Variants in AKT3 observed in about 807,000 individuals in gnomAD.
AKT3 encodes AKT serine/threonine kinase 3, also known as RAC-gamma serine/threonine-protein kinase.
Under a neutral mutation model 65.3 loss-of-function variants are expected in AKT3, and 15 were observed. The observed-to-expected ratio is 0.23, with a 90% CI of 0.15 to 0.35. The LOEUF is 0.35. Ranked by LOEUF, AKT3 falls within the 10% of genes least tolerant of loss-of-function variation. The pLI is 1.00. For missense variants in AKT3, 243 were observed against 576.5 expected, an observed-to-expected ratio of 0.42 and a Z score of 5.92; for synonymous variants, 206 against 183.8, an observed-to-expected ratio of 1.12 and a Z score of -0.98.
At chr1:243,602,570 T>C (rs1677093773) in intron 8 of AKT3, among the ~76,000 whole-genome samples, 1 of 152,222 alleles carries the variant, frequency 6.6e-6, no homozygotes, top group African/African-American at 2.4e-5. Context: ...TGCTTTTGTC[T>C]TATGTGAATT....
chr1:243,754,352 CATTTG>C (rs1572282588), intron 2 of AKT3, among the ~76,000 whole-genome samples: 1 of 152,222 alleles, frequency 6.6e-6, no homozygotes, highest in Non-Finnish European at 1.5e-5. Context: ...CCTGTATCTG[CATTTG>C]ATTTTACTGT....
At chr1:243,662,318 A>C (rs1163449997) in intron 4 of AKT3, among the ~76,000 whole-genome samples, 2 of 152,172 alleles carry the variant, frequency 1.3e-5, no homozygotes, top group Admixed American at 1.3e-4. Context: ...AATGTCCAAC[A>C]ATGATAGACT....
intron 2 of AKT3, among the ~76,000 whole-genome samples, chr1:243,729,886 C>G (rs1188805576): frequency 6.6e-6 from 1 of 152,106 alleles, no homozygotes; most frequent in East Asian, 1.9e-4. Flanking sequence ...TTACTTTCAT[C>G]TTGCCTGTAT....
chr1:243,583,195 T>TATATATATATATACATAC (rs759291565), intron 8 of AKT3, among the ~76,000 whole-genome samples: 3 of 88,326 alleles, frequency 3.4e-5, no homozygotes, highest in African/African-American at 1.5e-4. Flanking sequence ...TATATATATA[T>TATATATATATATACATAC]ACACACACAC....
chr1:243,565,587 C>G (rs1380339625), intron 9 of AKT3, among the ~76,000 whole-genome samples: 1 of 152,140 alleles, frequency 6.6e-6, no homozygotes, highest in South Asian at 2.1e-4. Flanking sequence ...TCTCTACCAG[C>G]CAGAACCTAG....
At chr1:243,829,863 C>T (rs1313341676) in intron 2 of AKT3, among the ~76,000 whole-genome samples, 1 of 152,146 alleles carries the variant, frequency 6.6e-6, no homozygotes, top group African/African-American at 2.4e-5. Context: ...AAAGTGGCTA[C>T]AGCCTTTAAT....
chr1:243,555,458 C>A (rs1673346307), intron 10 of AKT3, among the ~76,000 whole-genome samples: 1 of 152,112 alleles, frequency 6.6e-6, no homozygotes, highest in Non-Finnish European at 1.5e-5. Flanking sequence ...AATCCCACAG[C>A]CAAATTAACC....
At chr1:243,714,696 G>C in intron 2 of AKT3, among the ~76,000 whole-genome samples, 1 of 152,044 alleles carries the variant, frequency 6.6e-6, no homozygotes, top group Non-Finnish European at 1.5e-5. Flanking sequence ...GGAGAATATA[G>C]AAAAGCTTTC....
chr1:243,824,491 T>G (rs1326229385), intron 2 of AKT3, among the ~76,000 whole-genome samples: 3 of 151,904 alleles, frequency 2.0e-5, no homozygotes, highest in Non-Finnish European at 4.4e-5. Context: ...GGGAGAAAAT[T>G]TTTGCAATCT....
At chr1:243,756,754 CTCAAATTACCTCCTTA>C (rs1269105920) in intron 2 of AKT3, among the ~76,000 whole-genome samples, 1 of 152,146 alleles carries the variant, frequency 6.6e-6, no homozygotes, top group East Asian at 1.9e-4. Context: ...TTTACATGGT[CTCAAATTACCTCCTTA>C]GAAAATAATA....
intron 3 of AKT3, among the ~76,000 whole-genome samples, chr1:243,668,723 T>G (rs1682970300): frequency 6.6e-6 from 1 of 152,106 alleles, no homozygotes; most frequent in African/African-American, 2.4e-5. Flanking sequence ...AGTAATGAAT[T>G]TAAGCAAGGC....
At chr1:243,542,474 T>C (rs1009383092) in intron 12 of AKT3, among the ~76,000 whole-genome samples, 6 of 152,200 alleles carry the variant, frequency 3.9e-5, no homozygotes, top group Non-Finnish European at 8.8e-5. Flanking sequence ...CCAGAATCTC[T>C]AGATGTGCCA....
At chr1:243,510,026 G>A (rs774529342) in intron 13 of AKT3, among the ~76,000 whole-genome samples, 10 of 152,182 alleles carry the variant, frequency 6.6e-5, no homozygotes, top group Non-Finnish European at 1.3e-4. Flanking sequence ...CTCCTGGCTT[G>A]ACATTTTAGA....
intron 4 of AKT3, among the ~76,000 whole-genome samples, chr1:243,651,321 C>A (rs866603760): frequency 6.6e-6 from 1 of 152,114 alleles, no homozygotes; most frequent in Non-Finnish European, 1.5e-5. Flanking sequence ...TCTAAACATA[C>A]GATCATGTCA....
intron 2 of AKT3, among the ~76,000 whole-genome samples, chr1:243,720,055 G>A (rs745350236): frequency 2.0e-5 from 3 of 152,156 alleles, no homozygotes; most frequent in Non-Finnish European, 2.9e-5. Flanking sequence ...CCTCACACCT[G>A]TAATCCCAGC....
chr1:243,527,552 T>C (rs1671193229), intron 12 of AKT3, among the ~76,000 whole-genome samples: 1 of 152,182 alleles, frequency 6.6e-6, no homozygotes, highest in South Asian at 2.1e-4. Flanking sequence ...AATTGGGCTT[T>C]GGGATTTTCA....
intron 2 of AKT3, among the ~76,000 whole-genome samples, chr1:243,725,516 T>A (rs1187515703): frequency 6.6e-6 from 1 of 152,164 alleles, no homozygotes; most frequent in Non-Finnish European, 1.5e-5. Flanking sequence ...TTTTTGTGTC[T>A]CTACTTCAGA....
At chr1:243,623,708 C>T (rs1015715530) in intron 6 of AKT3, among the ~76,000 whole-genome samples, 5 of 152,190 alleles carry the variant, frequency 3.3e-5, no homozygotes, top group Non-Finnish European at 7.3e-5. Flanking sequence ...ATTACACCAT[C>T]AGCTTCCCAG....
At chr1:243,805,030 T>C (rs1157892231) in intron 2 of AKT3, among the ~76,000 whole-genome samples, 1 of 152,174 alleles carries the variant, frequency 6.6e-6, no homozygotes, top group Non-Finnish European at 1.5e-5. Flanking sequence ...ACTTCTGCCA[T>C]ACCACTCACC....
Sources: gnomAD v4.1 joint callset for allele counts (sites outside exome capture counted in the v4.1 genomes callset) on GRCh38, gnomAD v4.1.1 for gene constraint, MANE v1.5 for transcripts, NCBI Gene and HGNC (gene_info 2026-07-23, HGNC 2026-07-21) for gene names.